The following COLEC10 variants were observed in gnomAD, a reference collection of about 807,000 sequenced individuals.
The protein encoded by COLEC10 is collectin-10.
COLEC10 carries 22 observed loss-of-function variants against 28.4 expected under a neutral mutation model. The ratio of observed to expected loss-of-function variants is 0.78; its 90% CI spans 0.55 to 1.11. COLEC10 has a LOEUF of 1.11. Among genes scored for constraint, COLEC10 ranks in the 50% least tolerant of loss-of-function variants. The pLI is 0.00. For synonymous variants in COLEC10, 125 were observed against 116.1 expected (o/e 1.08, Z -0.49); for missense variants, 361 against 344.1 (o/e 1.05, Z -0.39).
chr8:118,997,792 T>C (rs1278318674), intron 1 of COLEC10, among the ~76,000 whole-genome samples: 1 of 152,212 alleles, frequency 6.6e-6, no homozygotes, highest in South Asian at 2.1e-4. Flanking sequence ...AAGAGTTAAA[T>C]GGCTGTGTTT....
chr8:118,993,726 G>A (rs1813543739), upstream of COLEC10, among the ~76,000 whole-genome samples: 1 of 152,144 alleles, frequency 6.6e-6, no homozygotes, highest in Non-Finnish European at 1.5e-5. Flanking sequence ...TATTAAATGA[G>A]GGCGCATGTT....
chr8:119,086,862 A>G (rs1438200022), intron 1 of COLEC10, among the ~76,000 whole-genome samples: 1 of 152,242 alleles, frequency 6.6e-6, no homozygotes, highest in Non-Finnish European at 1.5e-5. Context: ...TCCAAGACCC[A>G]GAAATGCTAA....
chr8:118,983,750 T>C, the COLEC10 span, among the ~76,000 whole-genome samples: 1 of 152,086 alleles, frequency 6.6e-6, no homozygotes, highest in Non-Finnish European at 1.5e-5. Context: ...ACAACACTAA[T>C]CATAAGGTAA....
chr8:119,089,738 C>T lies in COLEC10; in HGVS notation c.207C>T (p.Arg69=). ...AGGGAAAGCATGGCAAAGTGGGACGCATGGGGCCGAAAGGTAACTAAAATG... is the reference window on the plus strand; with the variant it reads ...AGGGAAAGCATGGCAAAGTGGGACGTATGGGGCCGAAAGGTAACTAAAATG... ...GEEGKHGKVG[R]MGPKGIKGEL... is the part of the protein sequence containing the mutation. Residue 69 remains arginine, a synonymous_variant, in exon 2 of 6, where the codon CGC becomes CGT. Transcript: ENST00000332843. The T allele has an allele frequency of 6.2e-7, 1 of 1,613,288 alleles. No individual in the cohort carries two copies. Among genetic ancestry groups the T allele is most frequent in the Non-Finnish European group, 8.5e-7 (1 of 1,179,380 alleles).
chr8:119,036,869 A>C (rs1814398054), intron 2 of COLEC10, among the ~76,000 whole-genome samples: 1 of 152,180 alleles, frequency 6.6e-6, no homozygotes, highest in Non-Finnish European at 1.5e-5. Flanking sequence ...GGAGGGAGCA[A>C]ATACTGAACC....
chr8:119,052,142 C>T (rs942528699), intron 2 of COLEC10, among the ~76,000 whole-genome samples: 8 of 152,046 alleles, frequency 5.3e-5, no homozygotes, highest in Admixed American at 2.0e-4. Flanking sequence ...TTAAAAATAT[C>T]GAAGTTTCTC....
chr8:119,101,161 CT>C (rs1221565583), intron 3 of COLEC10, among the ~76,000 whole-genome samples: 2 of 152,108 alleles, frequency 1.3e-5, no homozygotes, highest in Non-Finnish European at 2.9e-5. Context: ...ACTCCATTCC[CT>C]TTTGCATTGT....
At chr8:119,063,388 G>A (rs1205594361), upstream of COLEC10, 1 of 152,214 alleles carries the variant, frequency 6.6e-6, no homozygotes, top group African/African-American at 2.4e-5. Flanking sequence ...AGGTAGTAGA[G>A]AACTCTGCTC....
intron 2 of COLEC10, among the ~76,000 whole-genome samples, chr8:119,025,048 C>G (rs1423118215): frequency 6.6e-6 from 1 of 152,108 alleles, no homozygotes; most frequent in African/African-American, 2.4e-5. Flanking sequence ...GTAAGACTTT[C>G]ATATAATTCC....
At chr8:119,010,679 C>G (rs1228526515) in intron 2 of COLEC10, among the ~76,000 whole-genome samples, 1 of 151,076 alleles carries the variant, frequency 6.6e-6, no homozygotes, top group Non-Finnish European at 1.5e-5. Context: ...TGCCAGTGTT[C>G]TGGATTTCAT....
chr8:118,952,878 C>G, the COLEC10 span, among the ~76,000 whole-genome samples: 1 of 152,194 alleles, frequency 6.6e-6, no homozygotes, highest in Non-Finnish European at 1.5e-5. Flanking sequence ...AAAGTGTGGT[C>G]CCATTCATGG....
chr8:118,956,535 T>C, the COLEC10 span, among the ~76,000 whole-genome samples: 7 of 152,174 alleles, frequency 4.6e-5, no homozygotes, highest in African/African-American at 1.7e-4. Context: ...ACCTCTTGCT[T>C]ATAAACTTTT....
chr8:118,966,375 T>A, the COLEC10 span, among the ~76,000 whole-genome samples: 1 of 152,168 alleles, frequency 6.6e-6, no homozygotes, highest in Non-Finnish European at 1.5e-5. Context: ...GCTGTGAAGT[T>A]TTTTTCCTAC....
In COLEC10 at chr8:119,048,116, G is replaced by A. The variant is rs116581647; in HGVS notation, n.235+38563G>A. On this transcript the variant is annotated intron_variant and non_coding_transcript_variant, in intron 2 of 6. Transcript: ENST00000521788. The stretch of plus-strand genomic sequence containing the variant: ...AGGTATTAAGCCTAGTACCCAATAG[G>A]TAATTTTTCAATCCATGCCCCACTT... 5.1e-3 allele frequency among the ~76,000 whole-genome samples: 770 copies of A among 152,148 alleles called. 10 individuals are homozygous for A. Among genetic ancestry groups the A allele is most frequent in the African/African-American group, 0.018 (738 of 41,504 alleles).
chr8:119,096,937 G>A (rs546087956), intron 3 of COLEC10, among the ~76,000 whole-genome samples: 2 of 151,774 alleles, frequency 1.3e-5, no homozygotes, highest in South Asian at 2.1e-4. Context: ...ACTATACCAT[G>A]GAAATAAATA....
At chr8:118,982,823 G>T in the COLEC10 span, 1 of 152,248 alleles carries the variant, frequency 6.6e-6, no homozygotes, top group Admixed American at 6.6e-5. Context: ...GATCTTTGCG[G>T]ATTCTGTACA....
rs1226708462 is a variant in COLEC10 at position 119,077,687 on chromosome 8, GAACT to G, written c.148+10265_148+10268del. Among the ~76,000 whole-genome samples the G allele has an allele frequency of 5.9e-5, 9 of 152,304 alleles. No homozygotes were observed. The East Asian group carries it at 1.5e-3, about 26-fold the overall frequency. On this transcript the variant is annotated intron_variant, in intron 1 of 5. Coordinates refer to ENST00000332843, the MANE Select transcript of COLEC10 (RefSeq NM_006438.5). Reference sequence around the variant, plus strand: ...GAGCAAAGGATGTTCAATGGAGGAGGAACTAACTAAGTGTTATCCTGCCCCCTTT... The same window carrying G: ...GAGCAAAGGATGTTCAATGGAGGAGGAACTAAGTGTTATCCTGCCCCCTTT...
At position 119,106,032 on chromosome 8, in the gene COLEC10, C is replaced by T. The variant is rs779336705; in HGVS notation, c.675C>T (p.Asn225=). Residue 225 remains asparagine (N), a synonymous_variant, in exon 6 of 6, where the codon AAC becomes AAT. Transcript: ENST00000332843. ...EREGQYMFTD[N]TPLQNYSNWN... ...AGGGACAGTACATGTTCACAGACAA[C>T]ACTCCACTGCAGAACTATAGCAACT... The T allele has an allele frequency of 2.5e-6, 4 of 1,613,838 alleles. No individual in the cohort carries two copies. The highest frequency in any genetic ancestry group is 3.4e-6 in the Non-Finnish European group (4 of 1,179,878).
chr8:119,031,096 C>T (rs1814278626), intron 2 of COLEC10, among the ~76,000 whole-genome samples: 2 of 152,210 alleles, frequency 1.3e-5, no homozygotes, highest in African/African-American at 2.4e-5. Flanking sequence ...TGTACAAATG[C>T]TGTTTTATGG....
Sources: gnomAD v4.1 joint callset for allele counts (sites outside exome capture counted in the v4.1 genomes callset) on GRCh38, gnomAD v4.1.1 for gene constraint, MANE v1.5 for transcripts, NCBI Gene and HGNC (gene_info 2026-07-23, HGNC 2026-07-21) for gene names.